The following KCNH3 variants were observed in gnomAD, a reference collection of about 807,000 sequenced individuals.
KCNH3 encodes potassium voltage-gated channel subfamily H member 3.
In KCNH3, 36 loss-of-function variants were observed where a neutral mutation model predicts 95.6. The observed-to-expected ratio is 0.38, with a 90% confidence interval of 0.29 to 0.50. KCNH3 has a LOEUF of 0.50. Ranked by LOEUF, KCNH3 falls within the 20% of genes least tolerant of loss-of-function variation. KCNH3 has a pLI of 0.95. For synonymous variants in KCNH3, 620 were observed against 646.3 expected (o/e 0.96, Z 0.62); for missense variants, 1,030 against 1,484.1 (o/e 0.69, Z 5.03).
chr12:49,549,993 C>G (rs1332700449), intron 9 of KCNH3, 87 bp from the exon 10 acceptor site: 1 of 1,396,850 alleles, frequency 7.2e-7, no homozygotes, highest in Non-Finnish European at 9.6e-7. Flanking sequence ...GTTCCTGAGG[C>G]CTGCCAGGGT....
intron 8 of KCNH3, 130 bp downstream of exon 8, chr12:49,549,303 G>A: frequency 1.4e-6 from 2 of 1,446,392 alleles, no homozygotes; most frequent in Non-Finnish European, 1.9e-6. Flanking sequence ...ACCCGAGGCC[G>A]GGGGTGGGGG....
intron 10 of KCNH3, among the ~76,000 whole-genome samples, chr12:49,551,574 C>CAAAA (rs59344956): frequency 3.0e-3 from 175 of 57,394 alleles, no homozygotes; most frequent in African/African-American, 5.0e-3. Context: ...GACTCTGTCT[C>CAAAA]AAAAAAAAAA....
intron 10 of KCNH3, 97 bp downstream of exon 10, chr12:49,550,426 C>T (rs1938221242): frequency 2.8e-6 from 4 of 1,439,666 alleles, no homozygotes; most frequent in Non-Finnish European, 3.7e-6. Context: ...CACAAGGCCA[C>T]TGAGAGAGAA....
At chr12:49,556,620 C>T (rs770519334) in intron 13 of KCNH3, 144 bp downstream of exon 13, 15 of 723,536 alleles carry the variant, frequency 2.1e-5, no homozygotes, top group Non-Finnish European at 3.2e-5. Context: ...CCCTTGGTGT[C>T]GTGCGGGCAG....
Position 49,539,629 on chromosome 12 carries a change from TG to T in KCNH3, c.76+141del, listed in dbSNP as rs2138134109. 1.4e-6 allele frequency: 1 copy of T among 721,080 alleles called. No homozygotes were observed. 44.7% of individuals were successfully genotyped at this position (721,080 alleles called of 1,614,324 possible). A position where few individuals can be genotyped will look rare whatever the true frequency, so the allele number is the denominator to read the frequency against. On this transcript the variant is annotated intron_variant, in intron 1 of 14. Transcript: ENST00000257981. This position sits in a 1 kb window ranked among gnomAD's most constrained non-coding sequence, Gnocchi z 6.7. ...CCTCCCTACCCGCCCCTCTTGAGGC[TG>T]GGGCCATCGTCTCCTGCTAGGCGCT...
At chr12:49,541,519 A>C (rs2138137495) in intron 2 of KCNH3, 111 bp from the exon 3 acceptor site, 101 of 1,291,840 alleles carry the variant, frequency 7.8e-5, no homozygotes, top group Non-Finnish European at 9.9e-5. Context: ...TCCCCCAGGA[A>C]ACCGCTAGAT....
intron 6 of KCNH3, 30 bp from the exon 7 acceptor site, chr12:49,544,145 T>TGCCCC: frequency 1.6e-5 from 13 of 818,210 alleles, no homozygotes; most frequent in Non-Finnish European, 2.3e-5. Flanking sequence ...CTGACCTCCC[T>TGCCCC]CCCTCCCTCC....
intron 8 of KCNH3, 66 bp from the exon 9 acceptor site, chr12:49,549,375 G>T: frequency 6.4e-7 from 1 of 1,565,728 alleles, no homozygotes; most frequent in Middle Eastern, 1.7e-4. Context: ...GAGGACAGAT[G>T]AGCCCAGCGT....
chr12:49,555,594 G>C (rs750748621), intron 11 of KCNH3, 26 bp from the exon 12 acceptor site: 2 of 1,451,512 alleles, frequency 1.4e-6, no homozygotes, highest in Admixed American at 4.3e-5. Context: ...CATCCATGCC[G>C]ATTCCCTGTC....
chr12:49,556,863 C>T, intron 13 of KCNH3: 1 of 628,576 alleles, frequency 1.6e-6, no homozygotes, highest in Non-Finnish European at 2.9e-6. Context: ...AAAATGTCTC[C>T]AGGCCAGGGA....
Position 49,541,098 on chromosome 12 carries a change from G to A in KCNH3, c.276G>A (p.Glu92=). ...GCAAGGCCCTGGACGAGCACAAGGA[G>A]TTCAAGGCTGAGCTGATCCTGTACC... is the stretch of plus-strand genomic sequence containing the variant. The part of the protein sequence containing the change: ...QIRKALDEHK[E]FKAELILYRK... Residue 92 remains glutamate, a synonymous_variant, in exon 2 of 15, where the codon GAG becomes GAA. Transcript: ENST00000257981. The A allele has an allele frequency of 6.2e-7, 1 of 1,609,226 alleles. No individual in the cohort carries two copies. The highest frequency in any genetic ancestry group is 1.1e-5 in the South Asian group (1 of 91,012).
At chr12:49,553,114 G>A (rs564228860) in intron 10 of KCNH3, among the ~76,000 whole-genome samples, 79 of 151,578 alleles carry the variant, frequency 5.2e-4, no homozygotes, top group Non-Finnish European at 8.4e-4. Flanking sequence ...GCCCAAGCCC[G>A]GACTGCGTGC....
chr12:49,540,362 C>G (rs914504540), intron 1 of KCNH3, among the ~76,000 whole-genome samples: 1 of 152,238 alleles, frequency 6.6e-6, no homozygotes, highest in African/African-American at 2.4e-5. Context: ...ACCATTCTTA[C>G]ACCCCCATTC....
chr12:49,558,200 G>A lies in KCNH3; in HGVS notation c.*247G>A. On this transcript the variant is annotated 3_prime_UTR_variant, in exon 15 of 15. Coordinates refer to ENST00000257981, the MANE Select transcript of KCNH3 (RefSeq NM_012284.3). ...GGTCTCCCTCTGCAGGCTGGGGGCA[G>A]AGGCCTGAGGACAAGGAAGAGCTTT... 2.4e-6 allele frequency: 1 copy of A among 409,460 alleles called. No homozygotes were observed. Among genetic ancestry groups the A allele is most frequent in the Non-Finnish European group, 4.3e-6 (1 of 234,954 alleles). The allele number at this position is 409,460 out of a possible 1,614,324, so 25.4% of individuals were successfully genotyped here.
rs993787526 is a variant in KCNH3 at position 49,556,073 on chromosome 12, A to G, written c.2468+122A>G. 12 of 612,876 alleles carry G rather than the reference A, an allele frequency of 2.0e-5. No homozygotes were observed. The African/African-American group carries it at 2.2e-4, about 11-fold the overall frequency. The allele number at this position is 612,876 out of a possible 1,614,324, so 38.0% of individuals were successfully genotyped here. On this transcript the variant is annotated intron_variant, in intron 12 of 14. Coordinates refer to ENST00000257981, the MANE Select transcript of KCNH3 (RefSeq NM_012284.3). ...AACTCCCGCTAGTCTATGTGGGCCAAGCCTGCCTCCTCCAGGAAGCCTTCT... is the reference window on the plus strand; with the variant it reads ...AACTCCCGCTAGTCTATGTGGGCCAGGCCTGCCTCCTCCAGGAAGCCTTCT...
At position 49,543,801 on chromosome 12, in the gene KCNH3, G is replaced by A. The variant is rs568302464; in HGVS notation, c.824-114G>A. 23 of 1,362,958 alleles carry A rather than the reference G, an allele frequency of 1.7e-5. 2 individuals carry two copies. The highest frequency in any genetic ancestry group is 1.6e-4 in the Admixed American group (8 of 49,728). 84.4% of individuals were successfully genotyped at this position (1,362,958 alleles called of 1,614,324 possible). ...TTACAGTTACTGTGAGAACTAAGAC[G>A]ATGTATGGGAAGGGCCGGGGACAGT... On this transcript the variant is annotated intron_variant, in intron 5 of 14. Coordinates refer to ENST00000257981, the MANE Select transcript of KCNH3 (RefSeq NM_012284.3).
rs369953315 is a variant in KCNH3 at position 49,547,639 on chromosome 12, G to A, written c.1190-1256G>A. ...GCCCCCAGCTCCTGGCACACAGTGT[G>A]TGAGGTTGCTGAATGAATGAGTGGG... is the stretch of plus-strand genomic sequence containing the variant. On this transcript the variant is annotated intron_variant, in intron 7 of 14. Transcript: ENST00000257981. Among the ~76,000 whole-genome samples, 28 of 152,194 alleles carry A rather than the reference G, an allele frequency of 1.8e-4. 1 individual carries two copies. In the East Asian group the frequency reaches 4.8e-3, roughly 26 times the overall value.
intron 10 of KCNH3, 31 bp downstream of exon 10, chr12:49,550,360 G>A (rs1347442289): frequency 1.9e-6 from 3 of 1,576,236 alleles, no homozygotes; most frequent in Admixed American, 3.4e-5. Flanking sequence ...GGGCGTGGGG[G>A]CACGTGTGTG....
chr12:49,555,438 C>CTCTG (rs1293875242), intron 11 of KCNH3, among the ~76,000 whole-genome samples, 182 bp from the exon 12 acceptor site: 3 of 139,536 alleles, frequency 2.1e-5, no homozygotes, highest in African/African-American at 8.3e-5. Context: ...CAGAGTAAGA[C>CTCTG]TCTGTCTCAA....
Sources: allele counts gnomAD v4.1 joint callset (sites outside exome capture counted in the v4.1 genomes callset), GRCh38; gene constraint gnomAD v4.1.1; non-coding constraint Gnocchi (gnomAD v3.1); transcripts MANE v1.5; gene names NCBI Gene and HGNC (gene_info 2026-07-23, HGNC 2026-07-21).